The following SIGLEC5 variants were observed in gnomAD, a reference collection of about 807,000 sequenced individuals.
The protein encoded by SIGLEC5 is sialic acid binding Ig like lectin 5, also known as sialic acid-binding Ig-like lectin 5.
Under a neutral mutation model 45.9 loss-of-function variants are expected in SIGLEC5, and 34 were observed. The ratio of observed to expected loss-of-function variants is 0.74; its 90% CI spans 0.56 to 0.99. The LOEUF is 0.99. SIGLEC5 is among the 50% of genes least tolerant of loss of function. The probability of loss-of-function intolerance (pLI) is 0.00; values close to 1 mark genes in which losing one functional copy is unlikely to be tolerated. For synonymous variants in SIGLEC5, 203 were observed against 258.6 expected (o/e 0.79, Z 2.06); for missense variants, 508 against 629.6 (o/e 0.81, Z 2.07).
chr19:51,620,094 C>T (rs139598008), intron 8 of SIGLEC5, among the ~76,000 whole-genome samples: 237 of 151,166 alleles, frequency 1.6e-3, no homozygotes, highest in African/African-American at 5.5e-3. Context: ...GAAAGGAACA[C>T]GTCCCTAGAA....
chr19:51,628,838 C>T (rs12985427), intron 4 of SIGLEC5, among the ~76,000 whole-genome samples, 200 bp downstream of exon 4: 17 of 133,544 alleles, frequency 1.3e-4, no homozygotes, highest in East Asian at 4.3e-4. Flanking sequence ...TGTGTGTGTG[C>T]GTGTGTGCAT....
intron 7 of SIGLEC5, 68 bp from the exon 8 acceptor site, chr19:51,626,181 C>A: frequency 7.9e-7 from 1 of 1,269,312 alleles, no homozygotes; most frequent in Non-Finnish European, 1.1e-6. Context: ...TGTCCCATCC[C>A]ATGCTAAGAT....
intron 8 of SIGLEC5, among the ~76,000 whole-genome samples, chr19:51,613,135 G>A (rs748271955): frequency 2.7e-4 from 41 of 152,102 alleles, no homozygotes; most frequent in Non-Finnish European, 4.0e-4. Flanking sequence ...GGAATAAACC[G>A]GACACAGGTC....
intron 8 of SIGLEC5, among the ~76,000 whole-genome samples, chr19:51,624,744 A>G (rs1272659232): frequency 6.6e-6 from 1 of 151,982 alleles, no homozygotes; most frequent in Non-Finnish European, 1.5e-5. Context: ...TGAGGCAGGC[A>G]GATCACCTGA....
intron 6 of SIGLEC5, 35 bp downstream of exon 6, chr19:51,627,427 C>T (rs2122635954): frequency 6.3e-7 from 1 of 1,586,740 alleles, no homozygotes; most frequent in Non-Finnish European, 8.6e-7. Context: ...TGCCCCTCCC[C>T]TCAGGCCCCT....
At chr19:51,628,767 C>CGTGT (rs34312547) in intron 4 of SIGLEC5, among the ~76,000 whole-genome samples, 2 of 138,844 alleles carry the variant, frequency 1.4e-5, no homozygotes, top group Non-Finnish European at 3.1e-5. Flanking sequence ...TGTGTATGTG[C>CGTGT]GTGTGTGTGT....
chr19:51,616,916 AAAC>A (rs1418474042), intron 8 of SIGLEC5, among the ~76,000 whole-genome samples: 4 of 137,028 alleles, frequency 2.9e-5, no homozygotes, highest in African/African-American at 7.9e-5. Context: ...CAAAAAAAAA[AAAC>A]AAAAAAAAAA....
At position 51,612,330 on chromosome 19, in the gene SIGLEC5, A is replaced by T; in HGVS notation, c.1557T>A (p.His519Gln). ...APPLEEQKEL[H>Q]YASLSFSEMK... is the part of the protein sequence containing the mutation. The stretch of plus-strand genomic sequence containing the variant: ...TCTCAGAAAAACTAAGGGAGGCATA[A>T]TGGAGCTCCTTTTGTTCTTCCAAGG... Residue 519 changes from histidine to glutamine, a missense_variant, in exon 9 of 9, where the codon CAT becomes CAA. His to Gln is a conservative substitution (Grantham distance 24). Coordinates refer to ENST00000683636, the MANE Select transcript of SIGLEC5 (RefSeq NM_003830.4). The T allele has an allele frequency of 6.2e-7, 1 of 1,613,416 alleles. No homozygotes were observed. Among genetic ancestry groups the T allele is most frequent in the Non-Finnish European group, 8.5e-7 (1 of 1,179,780 alleles).
intron 8 of SIGLEC5, among the ~76,000 whole-genome samples, chr19:51,616,912 A>G: frequency 6.9e-6 from 1 of 144,326 alleles, no homozygotes; most frequent in South Asian, 2.2e-4. Context: ...CTGTCAAAAA[A>G]AAAAAACAAA....
intron 8 of SIGLEC5, among the ~76,000 whole-genome samples, chr19:51,619,726 AAATATAGACACT>A (rs1324823544): frequency 1.3e-5 from 2 of 152,030 alleles, no homozygotes; most frequent in East Asian, 3.8e-4. Context: ...TAGAGAATGA[AAATATAGACACT>A]AAGAAGCTAA....
intron 4 of SIGLEC5, among the ~76,000 whole-genome samples, chr19:51,628,767 C>T (rs1037459623): frequency 2.2e-5 from 3 of 138,844 alleles, no homozygotes; most frequent in African/African-American, 5.7e-5. Flanking sequence ...TGTGTATGTG[C>T]GTGTGTGTGT....
chr19:51,626,384 A>G (rs899762630), intron 7 of SIGLEC5, among the ~76,000 whole-genome samples: 1 of 152,200 alleles, frequency 6.6e-6, no homozygotes, highest in Middle Eastern at 3.2e-3. Flanking sequence ...GTTATGCATC[A>G]TAGCCAAGAA....
At chr19:51,628,907 G>A in intron 4 of SIGLEC5, 131 bp downstream of exon 4, 1 of 893,976 alleles carries the variant, frequency 1.1e-6, no homozygotes, top group Non-Finnish European at 1.8e-6. Context: ...CACAGAAGGT[G>A]GAAGCCAGAA....
chr19:51,626,125 A>C lies in SIGLEC5; in HGVS notation c.1383-12T>G. Reference sequence around the variant, plus strand: ...TGCGGGCTTTCACTCTAAGGAAAGAAACCAGCACAGTGCAGCTGGGACCAC... The same window carrying C: ...TGCGGGCTTTCACTCTAAGGAAAGACACCAGCACAGTGCAGCTGGGACCAC... On this transcript the variant is annotated splice_polypyrimidine_tract_variant and intron_variant, in intron 7 of 8. Coordinates refer to ENST00000683636, the MANE Select transcript of SIGLEC5 (RefSeq NM_003830.4). 2 of 1,612,492 alleles carry C rather than the reference A, an allele frequency of 1.2e-6. No homozygotes were observed. The highest frequency in any genetic ancestry group is 2.7e-5 in the African/African-American group (2 of 74,984).
At chr19:51,624,822 A>AGGGG (rs1983418597) in intron 8 of SIGLEC5, among the ~76,000 whole-genome samples, 1 of 151,978 alleles carries the variant, frequency 6.6e-6, no homozygotes, top group South Asian at 2.1e-4. Context: ...TACAAAAATT[A>AGGGG]GCCAGGTGGT....
intron 2 of SIGLEC5, 26 bp downstream of exon 2, chr19:51,629,807 G>T (rs2278833): frequency 0.29 from 374,057 of 1,292,302 alleles, 112,485 homozygotes; most frequent in East Asian, 0.81. Context: ...ACGTCCCAGG[G>T]TCCTCTCCTG....
chr19:51,612,464 A>G, intron 8 of SIGLEC5, 42 bp from the exon 9 acceptor site: 1 of 1,396,598 alleles, frequency 7.2e-7, no homozygotes, highest in South Asian at 1.2e-5. Context: ...AGGAATAAAG[A>G]GGCAGGTGTA....
chr19:51,628,981 C>T lies in SIGLEC5; in HGVS notation c.739+57G>A, dbSNP rs1390824950. 5 of 1,511,668 alleles carry T rather than the reference C, an allele frequency of 3.3e-6. No individual in the cohort carries two copies. In the Admixed American group the frequency reaches 7.1e-5, roughly 21 times the overall value. 93.6% of individuals were successfully genotyped at this position (1,511,668 alleles called of 1,614,324 possible). On this transcript the variant is annotated intron_variant, in intron 4 of 8. Coordinates refer to ENST00000683636, the MANE Select transcript of SIGLEC5 (RefSeq NM_003830.4). ...GCATTCAAGCTCTGATTCTCTACCT[C>T]TGCTCAGAGACAGACCCAGAGGCAG...
At chr19:51,628,830 T>C (rs1209543885) in intron 4 of SIGLEC5, among the ~76,000 whole-genome samples, 1 of 149,122 alleles carries the variant, frequency 6.7e-6, no homozygotes, top group Non-Finnish European at 1.5e-5. Flanking sequence ...TGTGTGCGTG[T>C]GTGTGTGCGT....
Sources: allele counts gnomAD v4.1 joint callset (sites outside exome capture counted in the v4.1 genomes callset), GRCh38; gene constraint gnomAD v4.1.1; transcripts MANE v1.5; gene names NCBI Gene and HGNC (gene_info 2026-07-23, HGNC 2026-07-21).